The following TIMM23B variants were observed in gnomAD, a reference collection of about 807,000 sequenced individuals.
TIMM23B encodes the protein translocase of inner mitochondrial membrane 23 homolog B.
Under a neutral mutation model 27.3 loss-of-function variants are expected in TIMM23B, and 27 were observed. The ratio of observed to expected loss-of-function variants is 0.99; its 90% CI spans 0.73 to 1.36. The LOEUF (loss-of-function observed/expected upper bound fraction) is 1.36, where lower values mean the gene tolerates loss of function less well. TIMM23B is among the 40% of genes most tolerant of loss of function. TIMM23B has a pLI of 0.00. For synonymous variants in TIMM23B, 73 were observed against 92.4 expected, an observed-to-expected ratio of 0.79 and a Z score of 1.21; for missense variants, 205 against 244.2, an observed-to-expected ratio of 0.84 and a Z score of 1.07.
In TIMM23B at chr10:49,945,199, T is replaced by A. The variant is rs1839317901; in HGVS notation, c.165+109T>A. The A allele has an allele frequency of 3.8e-6, 4 of 1,051,458 alleles. No individual in the cohort carries two copies. In the Admixed American group the frequency reaches 8.9e-5, roughly 23 times the overall value. The allele number at this position is 1,051,458 out of a possible 1,614,324, so 65.1% of individuals were successfully genotyped here. ...CATACACTTCTGGAGGCAGTAAGTC[T>A]CTGGTCTCCATTCACCCTTTTTTCC... On this transcript the variant is annotated intron_variant, in intron 2 of 6. Coordinates refer to ENST00000651259, the MANE Select transcript of TIMM23B (RefSeq NM_001290117.2).
rs1458284694 is a variant in TIMM23B, at chr10:49,942,423, C to G, written c.106+123C>G. 13 of 1,522,194 alleles carry G rather than the reference C, an allele frequency of 8.5e-6. No individual in the cohort carries two copies. The African/African-American group carries it at 1.7e-4, about 20-fold the overall frequency. The allele number at this position is 1,522,194 out of a possible 1,614,324, so 94.3% of individuals were successfully genotyped here. On this transcript the variant is annotated intron_variant, in intron 1 of 6. Transcript: ENST00000651259. Reference sequence around the variant, plus strand: ...TTGCTGGCGTTTACAAGCTTAAGTACCAGTGGTGGGGTTAGTGTATCTGCA... The same window carrying G: ...TTGCTGGCGTTTACAAGCTTAAGTAGCAGTGGTGGGGTTAGTGTATCTGCA...
intron 6 of TIMM23B, among the ~76,000 whole-genome samples, chr10:49,970,783 G>A (rs1387688470): frequency 1.3e-5 from 2 of 152,208 alleles, no homozygotes; most frequent in African/African-American, 2.4e-5. Flanking sequence ...CCCCTTCTGG[G>A]AAGTGAGGAG....
intron 6 of TIMM23B, among the ~76,000 whole-genome samples, chr10:49,966,382 G>T (rs143873160): frequency 3.7e-3 from 546 of 146,332 alleles, no homozygotes; most frequent in East Asian, 0.015. Context: ...ACGAAATGAA[G>T]AAATGAAATA....
chr10:49,956,372 G>T (rs1391119220), intron 5 of TIMM23B, among the ~76,000 whole-genome samples: 1 of 150,010 alleles, frequency 6.7e-6, no homozygotes, highest in East Asian at 1.9e-4. Flanking sequence ...GTTATAATAC[G>T]TGAGAATCAA....
intron 2 of TIMM23B, among the ~76,000 whole-genome samples, chr10:49,951,295 TG>T (rs1417935245): frequency 6.6e-6 from 1 of 152,190 alleles, no homozygotes; most frequent in Non-Finnish European, 1.5e-5. Context: ...CTATGTTAAA[TG>T]TAACACACTA....
At chr10:49,953,879 C>G (rs1334940502) in intron 4 of TIMM23B, among the ~76,000 whole-genome samples, 1 of 152,196 alleles carries the variant, frequency 6.6e-6, no homozygotes, top group Non-Finnish European at 1.5e-5. Flanking sequence ...CCATCTCCCT[C>G]TCCTCTCCCA....
At chr10:49,957,255 A>ATTT (rs1219932424) in intron 5 of TIMM23B, among the ~76,000 whole-genome samples, 3 of 134,326 alleles carry the variant, frequency 2.2e-5, no homozygotes, top group Admixed American at 7.4e-5. Context: ...TATTATAAAG[A>ATTT]TTTTTTTTTT....
At chr10:49,944,589 G>C (rs1839296266) in intron 1 of TIMM23B, among the ~76,000 whole-genome samples, 1 of 152,012 alleles carries the variant, frequency 6.6e-6, no homozygotes, top group Admixed American at 6.6e-5. Context: ...GAACTGCCTT[G>C]AAATAGTTAG....
intron 1 of TIMM23B, 116 bp from the exon 2 acceptor site, chr10:49,944,916 G>T (rs1170470687): frequency 3.4e-5 from 45 of 1,333,302 alleles, no homozygotes; most frequent in Non-Finnish European, 4.4e-5. Flanking sequence ...AAAATTTTCT[G>T]CCTTCAGTGA....
intron 6 of TIMM23B, among the ~76,000 whole-genome samples, chr10:49,968,384 G>A (rs1840262649): frequency 6.6e-6 from 1 of 152,258 alleles, no homozygotes; most frequent in Non-Finnish European, 1.5e-5. Flanking sequence ...GGTCTGTGGA[G>A]TCAAAATGCT....
In TIMM23B at chr10:49,974,491, GTT is replaced by G. The variant is rs1187801067; in HGVS notation, c.*1429_*1430del. 6.7e-6 allele frequency: 1 copy of G among 150,248 alleles called. No individual in the cohort carries two copies. The highest frequency in any genetic ancestry group is 1.5e-5 in the Non-Finnish European group (1 of 67,768). The allele number at this position is 150,248 out of a possible 1,614,324, so 9.3% of individuals were successfully genotyped here. On this transcript the variant is annotated 3_prime_UTR_variant, in exon 7 of 7. Transcript: ENST00000651259. ...AGCCTGTTGTTCGTCCTGCAAATGT[GTT>G]TCCATCACATTACACAAAGCCTCTT...
chr10:49,943,192 A>C, intron 1 of TIMM23B: 1 of 152,240 alleles, frequency 6.6e-6, no homozygotes, highest in South Asian at 2.1e-4. Flanking sequence ...CTGAATCTAC[A>C]ACACATGGTG....
intron 5 of TIMM23B, among the ~76,000 whole-genome samples, chr10:49,956,402 CTA>C (rs1839723237): frequency 7.3e-6 from 1 of 136,910 alleles, no homozygotes; most frequent in Non-Finnish European, 1.6e-5. Context: ...TTTTTTTAAT[CTA>C]TTTTTTCTTA....
At chr10:49,943,243 C>G (rs1839218486) in intron 1 of TIMM23B, 2 of 151,514 alleles carry the variant, frequency 1.3e-5, no homozygotes, top group African/African-American at 2.4e-5. Context: ...AGAGTCAGGA[C>G]CTCGTTCTGT....
intron 1 of TIMM23B, 42 bp from the exon 2 acceptor site, chr10:49,944,990 T>C (rs1839310426): frequency 1.0e-5 from 16 of 1,569,778 alleles, no homozygotes; most frequent in Non-Finnish European, 1.4e-5. Context: ...TGGATTAACT[T>C]AAAGAATTTT....
At position 49,956,415 on chromosome 10, in the gene TIMM23B, T is replaced by C. The variant is rs1387397060; in HGVS notation, c.403+1355T>C. 1.1e-3 allele frequency among the ~76,000 whole-genome samples: 153 copies of C among 138,112 alleles called. 1 individual carries two copies. The highest frequency in any genetic ancestry group is 3.8e-3 in the African/African-American group (143 of 37,332). 90.6% of individuals were successfully genotyped at this position (138,112 alleles called of 152,430 possible). A position where few individuals can be genotyped will look rare whatever the true frequency, so the allele number is the denominator to read the frequency against. ...TTTTTTTTTAATCTATTTTTTCTTA[T>C]ACTAGAAATACGTGTGTGTGTGTGT... On this transcript the variant is annotated intron_variant, in intron 5 of 6. Coordinates refer to ENST00000651259, the MANE Select transcript of TIMM23B (RefSeq NM_001290117.2).
At chr10:49,943,775 T>G (rs1431968632) in intron 1 of TIMM23B, among the ~76,000 whole-genome samples, 2 of 147,888 alleles carry the variant, frequency 1.4e-5, no homozygotes, top group Non-Finnish European at 3.0e-5. Context: ...AGAGGACCCT[T>G]GCGCTCACAG....
At chr10:49,965,149 G>A (rs1317522940) in intron 6 of TIMM23B, among the ~76,000 whole-genome samples, 1 of 151,660 alleles carries the variant, frequency 6.6e-6, no homozygotes, top group Non-Finnish European at 1.5e-5. Context: ...GTACCCAGGA[G>A]GTAGAGGTTG....
At chr10:49,948,895 T>G (rs1450890862) in intron 2 of TIMM23B, among the ~76,000 whole-genome samples, 1 of 152,178 alleles carries the variant, frequency 6.6e-6, no homozygotes, top group Non-Finnish European at 1.5e-5. Flanking sequence ...TCTCTCTCTT[T>G]TTTTTCTAAG....
Sources: allele counts gnomAD v4.1 joint callset (sites outside exome capture counted in the v4.1 genomes callset), GRCh38; gene constraint gnomAD v4.1.1; transcripts MANE v1.5; gene names NCBI Gene and HGNC (gene_info 2026-07-23, HGNC 2026-07-21).